Variants in SMAD7 observed in about 807,000 individuals in gnomAD.
SMAD7 encodes the protein SMAD family member 7.
Under a neutral mutation model 38.7 loss-of-function variants are expected in SMAD7, and 8 were observed. The ratio of observed to expected loss-of-function variants is 0.21; its 90% CI spans 0.12 to 0.37. The LOEUF is 0.37. SMAD7 is among the 10% of genes least tolerant of loss of function. The probability of loss-of-function intolerance (pLI) is 1.00; values close to 1 mark genes in which losing one functional copy is unlikely to be tolerated. For missense variants in SMAD7, 477 were observed against 577.9 expected (o/e 0.83, Z 1.79); for synonymous variants, 327 against 265.1 (o/e 1.23, Z -2.27).
intron 3 of SMAD7, among the ~76,000 whole-genome samples, chr18:48,934,931 C>A (rs1344901312): frequency 1.3e-5 from 2 of 152,166 alleles, no homozygotes; most frequent in African/African-American, 2.4e-5. Context: ...AAAGTTATCA[C>A]CCTGTTTTAA....
At chr18:48,945,440 C>T (rs2070184862) in intron 2 of SMAD7, among the ~76,000 whole-genome samples, 1 of 152,016 alleles carries the variant, frequency 6.6e-6, no homozygotes, top group Non-Finnish European at 1.5e-5. Flanking sequence ...CCAGCCTGGG[C>T]ACAGAATGAG....
At chr18:48,944,810 C>T (rs897746772) in intron 2 of SMAD7, among the ~76,000 whole-genome samples, 3 of 152,200 alleles carry the variant, frequency 2.0e-5, no homozygotes, top group African/African-American at 7.2e-5. Context: ...CCCCAGAGCC[C>T]AGGCTGGCTG....
rs1451609589 is a variant in SMAD7 at position 48,949,827 on chromosome 18, G to T, written c.598C>A (p.Arg200=). Reference sequence around the variant, plus strand: ...AACTTCTCACCTAGTTCGCAGAGTCGGCTAAGGTGATGGGGGTTGCAGCAC... The same window carrying T: ...AACTTCTCACCTAGTTCGCAGAGTCTGCTAAGGTGATGGGGGTTGCAGCAC... ...LVCCNPHHLS[R]LCELESPPPP... Residue 200 remains arginine, a synonymous_variant, in exon 1 of 4, where the codon CGA becomes AGA. Coordinates refer to ENST00000262158, the MANE Select transcript of SMAD7 (RefSeq NM_005904.4). 1.2e-6 allele frequency: 2 copies of T among 1,610,518 alleles called. No individual in the cohort carries two copies. The highest frequency in any genetic ancestry group is 8.5e-7 in the Non-Finnish European group (1 of 1,178,322).
intron 3 of SMAD7, among the ~76,000 whole-genome samples, chr18:48,941,197 C>T (rs1173928327): frequency 1.3e-5 from 2 of 152,154 alleles, no homozygotes. Flanking sequence ...GCCTTTTCTC[C>T]CTCCTCAACT....
intron 3 of SMAD7, among the ~76,000 whole-genome samples, chr18:48,926,582 G>T (rs993092766): frequency 6.6e-6 from 1 of 152,276 alleles, no homozygotes; most frequent in Admixed American, 6.5e-5. Context: ...GAGGAAGGGC[G>T]CCTGGGCAGG....
At chr18:48,938,052 C>T (rs763066671) in intron 3 of SMAD7, among the ~76,000 whole-genome samples, 12 of 152,298 alleles carry the variant, frequency 7.9e-5, no homozygotes, top group Admixed American at 2.0e-4. Flanking sequence ...TAATTGTTCA[C>T]GTGCAGCTGA....
chr18:48,937,264 ATGTGTGTGTGTGTGTGTGTG>A (rs71165354), intron 3 of SMAD7, among the ~76,000 whole-genome samples: 2 of 119,778 alleles, frequency 1.7e-5, no homozygotes, highest in South Asian at 6.3e-4. Context: ...AAGTAAAGGC[ATGTGTGTGTGTGTGTGTGTG>A]TGTGTGTGTG....
Position 48,921,130 on chromosome 18 carries a change from G to A in SMAD7, c.*242C>T. Reference sequence around the variant, plus strand: ...TCCCCTCTTCCTATCAGGGTGTCCTGCCGATCATACCTGCCCCTTCTTCCA... The same window carrying A: ...TCCCCTCTTCCTATCAGGGTGTCCTACCGATCATACCTGCCCCTTCTTCCA... On this transcript the variant is annotated 3_prime_UTR_variant, in exon 4 of 4. Transcript: ENST00000262158. The surrounding 1 kb of genome is among the most constrained non-coding windows in gnomAD (Gnocchi z 6.4). 1 of 515,162 alleles carries A rather than the reference G, an allele frequency of 1.9e-6. No homozygotes were observed. The highest frequency in any genetic ancestry group is 3.5e-6 in the Non-Finnish European group (1 of 288,658). 31.9% of individuals were successfully genotyped at this position (515,162 alleles called of 1,614,324 possible). A position where few individuals can be genotyped will look rare whatever the true frequency, so the allele number is the denominator to read the frequency against.
At chr18:48,949,224 G>C (rs914315081) in intron 1 of SMAD7, 1 of 950,138 alleles carries the variant, frequency 1.1e-6, no homozygotes, top group African/African-American at 1.8e-5. Context: ...AAAGGAGACA[G>C]ATACCCAGTT....
chr18:48,949,686 A>C, intron 1 of SMAD7, 126 bp downstream of exon 1: 1 of 1,048,558 alleles, frequency 9.5e-7, no homozygotes, highest in Non-Finnish European at 1.3e-6. Flanking sequence ...GAGGGTATGC[A>C]CACTCTCCCA....
Position 48,927,717 on chromosome 18 carries a change from G to A in SMAD7, c.743-5807C>T, listed in dbSNP as rs190659487. On this transcript the variant is annotated intron_variant, in intron 3 of 3. Transcript: ENST00000262158. ...TCTGAGGCTCCTGGGTTCTCCAGCC[G>A]CTCAGAAAATGCCCACCAGTCTTCC... Among the ~76,000 whole-genome samples the A allele has an allele frequency of 1.2e-4, 19 of 152,278 alleles. No individual in the cohort carries two copies. In the East Asian group the frequency reaches 3.3e-3, roughly 26 times the overall value.
intron 3 of SMAD7, among the ~76,000 whole-genome samples, chr18:48,935,828 C>T (rs2143790619): frequency 6.6e-6 from 1 of 152,206 alleles, no homozygotes; most frequent in South Asian, 2.1e-4. Context: ...CCTATAATCC[C>T]AGCACTTTGG....
chr18:48,935,733 G>A (rs1048194181), intron 3 of SMAD7, among the ~76,000 whole-genome samples: 4 of 152,140 alleles, frequency 2.6e-5, no homozygotes, highest in Admixed American at 2.0e-4. Context: ...AACCCACGAA[G>A]AAAAAAGGAA....
intron 3 of SMAD7, among the ~76,000 whole-genome samples, chr18:48,922,895 CG>C (rs950237528): frequency 5.7e-4 from 87 of 152,224 alleles, no homozygotes; most frequent in African/African-American, 1.9e-3. Context: ...GCCTGGGGGC[CG>C]GGGTGATTCT....
chr18:48,921,639 G>A lies in SMAD7; in HGVS notation c.1014C>T (p.Tyr338=). The A allele has an allele frequency of 2.5e-6, 4 of 1,612,754 alleles. No homozygotes were observed. The highest frequency in any genetic ancestry group is 1.3e-5 in the African/African-American group (1 of 75,056). The change falls in exon 4 of 4, where the codon TAC becomes TAT. Residue 338 remains tyrosine, a synonymous_variant. Coordinates refer to ENST00000262158, the MANE Select transcript of SMAD7 (RefSeq NM_005904.4). This position sits in a 1 kb window ranked among gnomAD's most constrained non-coding sequence, Gnocchi z 6.4. The part of the protein sequence containing the change: ...DGVWVYNRSS[Y]PIFIKSATLD... ...GTGTGGCGGACTTGATGAAGATGGG[G>A]TAACTGCTGCGGTTGTACACCCACA...
Position 48,949,799 on chromosome 18 carries a change from G to A in SMAD7, c.613+13C>T, listed in dbSNP as rs1274918050. 8 of 1,590,756 alleles carry A rather than the reference G, an allele frequency of 5.0e-6. No homozygotes were observed. The highest frequency in any genetic ancestry group is 1.1e-5 in the South Asian group (1 of 88,176). On this transcript the variant is annotated intron_variant, in intron 1 of 3. Transcript: ENST00000262158. ...CTCCGGAAAATGTTGGGGGTAGGGG[G>A]ACAACTTCTCACCTAGTTCGCAGAG... is the stretch of plus-strand genomic sequence containing the variant.
At chr18:48,941,173 G>C (rs2070135194) in intron 3 of SMAD7, among the ~76,000 whole-genome samples, 1 of 151,494 alleles carries the variant, frequency 6.6e-6, no homozygotes, top group South Asian at 2.1e-4. Flanking sequence ...AAAAGATGCA[G>C]TTCACACACT....
At position 48,920,972 on chromosome 18, in the gene SMAD7, T is replaced by C; in HGVS notation, c.*400A>G. 5.4e-6 allele frequency: 1 copy of C among 186,054 alleles called. No homozygotes were observed. The highest frequency in any genetic ancestry group is 1.2e-4 in the South Asian group (1 of 8,390). The allele number at this position is 186,054 out of a possible 1,614,324, so 11.5% of individuals were successfully genotyped here. On this transcript the variant is annotated 3_prime_UTR_variant, in exon 4 of 4. Coordinates refer to ENST00000262158, the MANE Select transcript of SMAD7 (RefSeq NM_005904.4). ...AAGAGACACAAAACAAAGAGCACGT[T>C]GTCTCCCCATCTGCCGCTCCTGCAC...
chr18:48,936,075 A>T (rs1023315189), intron 3 of SMAD7, among the ~76,000 whole-genome samples: 13 of 97,882 alleles, frequency 1.3e-4, no homozygotes, highest in African/African-American at 5.2e-4. Flanking sequence ...ACTCCATCTC[A>T]AAACACACAC....
Sources: allele counts gnomAD v4.1 joint callset (sites outside exome capture counted in the v4.1 genomes callset), GRCh38; gene constraint gnomAD v4.1.1; non-coding constraint Gnocchi (gnomAD v3.1); transcripts MANE v1.5; gene names NCBI Gene and HGNC (gene_info 2026-07-23, HGNC 2026-07-21).